The following CXorf66 variants were observed in gnomAD, a reference collection of about 807,000 sequenced individuals.
CXorf66 encodes chromosome X open reading frame 66.
In CXorf66, 6 loss-of-function variants were observed where a neutral mutation model predicts 5.0. The ratio of observed to expected loss-of-function variants is 1.20; its 90% CI spans 0.65 to 2.36. The LOEUF (loss-of-function observed/expected upper bound fraction) is 2.36, where lower values mean the gene tolerates loss of function less well. Among genes scored for constraint, CXorf66 ranks in the 30% most tolerant of loss-of-function variants. The pLI, the probability that CXorf66 is intolerant of heterozygous loss-of-function variation, is 0.00. For synonymous variants in CXorf66, 98 were observed against 102.8 expected (o/e 0.95, Z 0.28); for missense variants, 270 against 254.9 (o/e 1.06, Z -0.40).
intron 1 of CXorf66, among the ~76,000 whole-genome samples, chrX:139,960,002 C>T (rs1410318756): frequency 1.8e-5 from 2 of 111,307 alleles, no homozygotes; most frequent in African/African-American, 6.5e-5. Context: ...ATTCCAAAAA[C>T]CAAAATGTCT....
rs759884566 is a variant in CXorf66 at position 139,956,611 on chromosome X, CTCG to C, written c.368_370del (p.Ser123_Ser124delinsCys). ...GGATTGTGCGGATGCCCTTTCTGGA[CTCG>C]ATGAATCAGATGACTTGTCTGCAGT... On this transcript the variant is annotated inframe_deletion, in exon 3 of 3. Coordinates refer to ENST00000370540, the MANE Select transcript of CXorf66 (RefSeq NM_001013403.3). The C allele has an allele frequency of 1.7e-6, 2 of 1,209,349 alleles. No individual in the cohort carries two copies. The highest frequency in any genetic ancestry group is 5.9e-5 in the East Asian group (2 of 33,738).
intron 1 of CXorf66, among the ~76,000 whole-genome samples, chrX:139,959,899 A>G (rs183774875): frequency 1.5e-3 from 167 of 112,131 alleles, no homozygotes; most frequent in African/African-American, 5.1e-3. Flanking sequence ...AAGGACCCCC[A>G]CACAAAAACC....
intron 1 of CXorf66, among the ~76,000 whole-genome samples, chrX:139,963,757 C>G (rs1926628009): frequency 1.2e-5 from 1 of 85,098 alleles, no homozygotes; most frequent in Non-Finnish European, 2.2e-5. Context: ...GAAATGACAC[C>G]ACACATTTAA....
At position 139,956,493 on chromosome X, in the gene CXorf66, C is replaced by T; in HGVS notation, c.489G>A (p.Arg163=). 3 of 1,211,778 alleles carry T rather than the reference C, an allele frequency of 2.5e-6. No individual in the cohort carries two copies. Among genetic ancestry groups the T allele is most frequent in the Admixed American group, 2.2e-5 (1 of 45,990 alleles). Residue 163 remains arginine (R), a synonymous_variant, in exon 3 of 3, where the codon AGG becomes AGA. Coordinates refer to ENST00000370540, the MANE Select transcript of CXorf66 (RefSeq NM_001013403.3). ...GKLTRPSYPK[R]SSKSSCSKKL... is the part of the protein sequence containing the mutation. ...TTTTTGAGCATGATGACTTGGATGA[C>T]CTTTTTGGATATGATGGCCTAGTTA...
intron 1 of CXorf66, among the ~76,000 whole-genome samples, chrX:139,959,410 C>T (rs922915785): frequency 1.7e-4 from 19 of 112,137 alleles, no homozygotes; most frequent in Non-Finnish European, 3.0e-4. Context: ...AGGCAACAGC[C>T]CCAGTCAGGG....
intron 1 of CXorf66, among the ~76,000 whole-genome samples, chrX:139,962,116 A>G (rs765554120): frequency 4.5e-5 from 5 of 111,637 alleles, no homozygotes; most frequent in African/African-American, 1.6e-4. Flanking sequence ...CCCTTCAAAA[A>G]AATCAATGAA....
chrX:139,955,821 C>A lies in CXorf66; in HGVS notation c.*75G>T. 1.0e-6 allele frequency: 1 copy of A among 993,294 alleles called. No individual in the cohort carries two copies. Among genetic ancestry groups the A allele is most frequent in the Admixed American group, 3.3e-5 (1 of 30,097 alleles). 81.9% of individuals were successfully genotyped at this position (993,294 alleles called of 1,213,427 possible). On this transcript the variant is annotated 3_prime_UTR_variant, in exon 3 of 3. Transcript: ENST00000370540. The stretch of plus-strand genomic sequence containing the variant: ...TAGTGATTTTTCCCTCTACTGGTTT[C>A]TTAAGGGATGATGAGCATAAAATAG...
rs1388187304 is a variant in CXorf66, at chrX:139,958,255, A to G, written c.89-38T>C. 3 of 1,051,450 alleles carry G rather than the reference A, an allele frequency of 2.9e-6. No individual in the cohort carries two copies. In the South Asian group the frequency reaches 7.6e-5, roughly 27 times the overall value. 86.7% of individuals were successfully genotyped at this position (1,051,450 alleles called of 1,213,427 possible). A position where few individuals can be genotyped will look rare whatever the true frequency, so the allele number is the denominator to read the frequency against. ...TGTATAATCAGAGAAGGTGTTAAGT[A>G]ACCAAGTTTTTTTCCACATTGATAG... On this transcript the variant is annotated intron_variant, in intron 1 of 2. Transcript: ENST00000370540.
chrX:139,960,995 A>G lies in CXorf66; in HGVS notation c.89-2778T>C, dbSNP rs2085591412. Among the ~76,000 whole-genome samples the G allele has an allele frequency of 2.7e-5, 3 of 111,881 alleles. No individual in the cohort carries two copies. In the South Asian group the frequency reaches 1.1e-3, roughly 41 times the overall value. The stretch of plus-strand genomic sequence containing the variant: ...AGAAACACACCAAAATATAAAGATC[A>G]ATGACACTATGAAGAAACTGCAACA... On this transcript the variant is annotated intron_variant, in intron 1 of 2. Transcript: ENST00000370540.
In CXorf66 at chrX:139,958,103, T is replaced by C. The variant is rs759317514; in HGVS notation, c.203A>G (p.His68Arg). Residue 68 changes from histidine to arginine, a missense_variant, in exon 2 of 3, where the codon CAT becomes CGT. By Grantham distance (29) the His-to-Arg change is conservative. Transcript: ENST00000370540. ...VFVFICFCYL[H>R]YNCLSDDASK... is the part of the protein sequence containing the mutation. ...CGCATCATCGCTCAGACAATTATAA[T>C]GGAGATAACAAAAACAGATAAAGAC... is the stretch of plus-strand genomic sequence containing the variant. The C allele has an allele frequency of 1.6e-5, 19 of 1,204,384 alleles. No individual in the cohort carries two copies. The Admixed American group carries it at 4.3e-4, about 27-fold the overall frequency.
intron 1 of CXorf66, among the ~76,000 whole-genome samples, chrX:139,961,148 G>C (rs2085591959): frequency 9.0e-6 from 1 of 111,685 alleles, no homozygotes; most frequent in African/African-American, 3.3e-5. Flanking sequence ...ATTGGATAAA[G>C]AGTCAAGACT....
chrX:139,963,059 A>G (rs1272463878), intron 1 of CXorf66, among the ~76,000 whole-genome samples: 2 of 111,891 alleles, frequency 1.8e-5, no homozygotes, highest in African/African-American at 6.5e-5. Flanking sequence ...TAGTATTGGA[A>G]CTTCTGGCCA....
chrX:139,964,195 A>G (rs1237734689), intron 1 of CXorf66, among the ~76,000 whole-genome samples: 1 of 112,279 alleles, frequency 8.9e-6, no homozygotes, highest in East Asian at 2.8e-4. Flanking sequence ...AGAATCTATA[A>G]GGAACTTAAA....
chrX:139,962,091 T>C (rs1195962461), intron 1 of CXorf66, among the ~76,000 whole-genome samples: 4 of 110,615 alleles, frequency 3.6e-5, no homozygotes, highest in African/African-American at 9.9e-5. Flanking sequence ...CTGAAGGAGA[T>C]AGACACATGA....
At chrX:139,963,999 A>G (rs1277342422) in intron 1 of CXorf66, among the ~76,000 whole-genome samples, 1 of 112,103 alleles carries the variant, frequency 8.9e-6, no homozygotes, top group Non-Finnish European at 1.9e-5. Flanking sequence ...GGACATAGGC[A>G]TGGGCAAAGG....
In CXorf66 at chrX:139,956,371, T is replaced by C; in HGVS notation, c.611A>G (p.Asp204Gly). Residue 204 changes from aspartate to glycine, a missense_variant, in exon 3 of 3, where the codon GAT becomes GGT. Coordinates refer to ENST00000370540, the MANE Select transcript of CXorf66 (RefSeq NM_001013403.3). ...LDYACKLASS[D>G]KPVRPPQLFK... ...TAGCTGAGGTGGCCTGACTGGCTTA[T>C]CTGAACTGGCTAGCTTACACGCATA... 3.3e-6 allele frequency: 4 copies of C among 1,212,156 alleles called. No homozygotes were observed. Among genetic ancestry groups the C allele is most frequent in the Non-Finnish European group, 4.5e-6 (4 of 895,616 alleles).
Position 139,956,242 on chromosome X carries a change from C to T in CXorf66, c.740G>A (p.Arg247Lys). ...AKPPKHFNPK[R>K]SVSLGRAALL... ...GGCTGCCCTGCCTAGACTCACTGACCTTTTTGGATTAAAATGTTTGGGAGG... is the reference window on the plus strand; with the variant it reads ...GGCTGCCCTGCCTAGACTCACTGACTTTTTTGGATTAAAATGTTTGGGAGG... Residue 247 changes from arginine (R) to lysine (K), a missense_variant, in exon 3 of 3, where the codon AGG (arginine) becomes AAG (lysine). Physicochemically the swap from Arg to Lys is conservative, Grantham distance 26. Transcript: ENST00000370540. 1.7e-6 allele frequency: 2 copies of T among 1,211,702 alleles called. No individual in the cohort carries two copies. Among genetic ancestry groups the T allele is most frequent in the Non-Finnish European group, 2.2e-6 (2 of 895,481 alleles).
At chrX:139,963,920 G>T (rs1185670595) in intron 1 of CXorf66, among the ~76,000 whole-genome samples, 1 of 111,904 alleles carries the variant, frequency 8.9e-6, no homozygotes, top group Non-Finnish European at 1.9e-5. Flanking sequence ...ACTCAAGATG[G>T]ATTAAAGACT....
At chrX:139,965,374 A>C (rs1217691945) in intron 1 of CXorf66, 35 bp downstream of exon 1, 1 of 991,758 alleles carries the variant, frequency 1.0e-6, no homozygotes, top group African/African-American at 1.9e-5. Context: ...ACTGTAACAG[A>C]TCATAATTTA....
Sources: allele counts gnomAD v4.1 joint callset (sites outside exome capture counted in the v4.1 genomes callset), GRCh38; gene constraint gnomAD v4.1.1; transcripts MANE v1.5; gene names NCBI Gene and HGNC (gene_info 2026-07-23, HGNC 2026-07-21).